MAGI2: variants seen among roughly 807,000 people sequenced by gnomAD.
MAGI2 encodes membrane associated guanylate kinase, WW and PDZ domain containing 2, also known as membrane-associated guanylate kinase, WW and PDZ domain-containing protein 2.
A neutral mutation model predicts 133.3 loss-of-function variants in MAGI2; 35 were observed. The observed-to-expected ratio is 0.26, with a 90% confidence interval of 0.20 to 0.35. MAGI2 has a LOEUF of 0.35. Among genes scored for constraint, MAGI2 ranks in the 10% least tolerant of loss-of-function variants. MAGI2 has a pLI of 1.00. For missense variants in MAGI2, 1,636 were observed against 1,863.4 expected (o/e 0.88, Z 2.25); for synonymous variants, 729 against 710.6 (o/e 1.03, Z -0.41).
intron 1 of MAGI2, among the ~76,000 whole-genome samples, chr7:79,316,654 A>T (rs554520826): frequency 6.6e-6 from 1 of 152,274 alleles, no homozygotes; most frequent in East Asian, 1.9e-4. Context: ...CTGTCCCTCC[A>T]TCCTCTTCTA....
Position 79,424,005 on chromosome 7 carries a change from G to C in MAGI2, c.301+29015C>G, listed in dbSNP as rs550876476. ...ATATTCCTATAAACCATTGTTCCAG[G>C]CATTGGGAATGCCAATATGAAACAC... On this transcript the variant is annotated intron_variant, in intron 1 of 21. Coordinates refer to ENST00000354212, the MANE Select transcript of MAGI2 (RefSeq NM_012301.4). 5.3e-4 allele frequency among the ~76,000 whole-genome samples: 80 copies of C among 152,110 alleles called. No individual in the cohort carries two copies. In the South Asian group the frequency reaches 0.016, roughly 31 times the overall value.
intron 2 of MAGI2, among the ~76,000 whole-genome samples, chr7:78,667,525 T>C (rs1813755018): frequency 6.6e-6 from 1 of 151,496 alleles, no homozygotes; most frequent in South Asian, 2.1e-4. Flanking sequence ...TATCTCCTAA[T>C]GCTATCCCTC....
intron 3 of MAGI2, among the ~76,000 whole-genome samples, chr7:78,526,136 C>G: frequency 6.6e-6 from 1 of 152,254 alleles, no homozygotes; most frequent in South Asian, 2.1e-4. Context: ...GACTTAAGAA[C>G]CTCATCTCTT....
At chr7:78,244,273 TC>T (rs68162295) in intron 10 of MAGI2, among the ~76,000 whole-genome samples, 23,494 of 151,346 alleles carry the variant, frequency 0.16, 2,340 homozygotes, top group Middle Eastern at 0.26. Flanking sequence ...TGATTTTAAT[TC>T]TATTTAAATA....
chr7:78,594,630 G>T (rs1394950189), intron 3 of MAGI2, among the ~76,000 whole-genome samples: 17 of 152,022 alleles, frequency 1.1e-4, no homozygotes, highest in Admixed American at 1.1e-3. Context: ...GCTAATTTTT[G>T]TATTTTTAGT....
intron 2 of MAGI2, among the ~76,000 whole-genome samples, chr7:78,720,289 C>T (rs1820136692): frequency 6.6e-6 from 1 of 152,060 alleles, no homozygotes; most frequent in Non-Finnish European, 1.5e-5. Context: ...TGAATGCTTC[C>T]TATGTGCCAG....
intron 1 of MAGI2, among the ~76,000 whole-genome samples, chr7:79,188,457 C>G (rs1408929241): frequency 1.3e-5 from 2 of 151,860 alleles, no homozygotes; most frequent in Non-Finnish European, 2.9e-5. Context: ...GATATGATCT[C>G]ATTCCTTTTT....
At position 78,501,590 on chromosome 7, in the gene MAGI2, C is replaced by T; in HGVS notation, c.952G>A (p.Val318Ile). 6.2e-7 allele frequency: 1 copy of T among 1,613,080 alleles called. No homozygotes were observed. The highest frequency in any genetic ancestry group is 1.1e-5 in the South Asian group (1 of 91,050). Reference protein sequence around the residue: ...WEMAYTEKGEVYFIDHNTKTT... With the variant: ...WEMAYTEKGEIYFIDHNTKTT... ...TGTGAAACTCACTCAATGAAGTAGA[C>T]TTCGCCCTTCTCTGTATAGGCCATT... The change falls in exon 5 of 22, where the codon GTC (valine) becomes ATC (isoleucine). Residue 318 changes from valine to isoleucine, a missense_variant. Around this residue, in one of 5 missense-constraint regions of MAGI2, gnomAD observed 920 missense variants for 1,093.5 expected, o/e 0.84. Coordinates refer to ENST00000354212, the MANE Select transcript of MAGI2 (RefSeq NM_012301.4).
intron 2 of MAGI2, among the ~76,000 whole-genome samples, chr7:78,664,875 G>A (rs893516519): frequency 1.3e-5 from 2 of 151,820 alleles, no homozygotes; most frequent in Non-Finnish European, 2.9e-5. Flanking sequence ...AATTCTCATA[G>A]TAAAAAATAC....
At chr7:79,163,098 A>G (rs899951603) in intron 1 of MAGI2, among the ~76,000 whole-genome samples, 2 of 152,110 alleles carry the variant, frequency 1.3e-5, no homozygotes, top group Non-Finnish European at 2.9e-5. Flanking sequence ...TCTCTCCCCA[A>G]AACATCAGTA....
chr7:78,634,991 C>T (rs552947121), intron 2 of MAGI2, among the ~76,000 whole-genome samples: 1 of 152,130 alleles, frequency 6.6e-6, no homozygotes, highest in Non-Finnish European at 1.5e-5. Context: ...AGCAAAAATG[C>T]TAAGTTGAGG....
At chr7:78,861,130 G>C (rs1044736610) in intron 2 of MAGI2, among the ~76,000 whole-genome samples, 2 of 152,112 alleles carry the variant, frequency 1.3e-5, no homozygotes, top group African/African-American at 2.4e-5. Flanking sequence ...CGATTTTCCA[G>C]GTACCATCTG....
At chr7:78,592,512 G>C (rs930316461) in intron 3 of MAGI2, among the ~76,000 whole-genome samples, 2 of 151,998 alleles carry the variant, frequency 1.3e-5, no homozygotes, top group African/African-American at 4.8e-5. Flanking sequence ...AAAAAATAAG[G>C]AATTTTATTG....
chr7:78,996,473 C>T (rs1478796219), intron 2 of MAGI2, among the ~76,000 whole-genome samples: 3 of 151,982 alleles, frequency 2.0e-5, no homozygotes, highest in Non-Finnish European at 4.4e-5. Context: ...CTTAGGGACA[C>T]ATAGAAGAGA....
chr7:79,102,322 G>A (rs1056311721), intron 1 of MAGI2, among the ~76,000 whole-genome samples: 2 of 151,902 alleles, frequency 1.3e-5, no homozygotes, highest in African/African-American at 2.4e-5. Context: ...CTAAATCTCC[G>A]CATATATATT....
intron 2 of MAGI2, among the ~76,000 whole-genome samples, chr7:78,996,727 T>C (rs954927519): frequency 2.0e-5 from 3 of 152,182 alleles, no homozygotes; most frequent in African/African-American, 7.2e-5. Context: ...TAGGATCGAC[T>C]TTAAAAACTT....
chr7:78,266,495 A>G (rs1248092920), intron 9 of MAGI2, among the ~76,000 whole-genome samples: 1 of 151,738 alleles, frequency 6.6e-6, no homozygotes, highest in Non-Finnish European at 1.5e-5. Flanking sequence ...GAGCCAACAC[A>G]CTCAGCCAGA....
intron 16 of MAGI2, among the ~76,000 whole-genome samples, chr7:78,154,668 CCTGACAA>C (rs1305624428): frequency 6.6e-6 from 1 of 152,068 alleles, no homozygotes; most frequent in East Asian, 1.9e-4. Context: ...GGCATAACCT[CCTGACAA>C]GTGACAGAAA....
rs1013622514 is a variant in MAGI2 at position 78,622,117 on chromosome 7, C to A, written c.538+5003G>T. Reference sequence around the variant, plus strand: ...ACAATAAATGCACCAATTTTGGAAGCATTTCAGATGAGCAAGAAGAAACAG... The same window carrying A: ...ACAATAAATGCACCAATTTTGGAAGAATTTCAGATGAGCAAGAAGAAACAG... On this transcript the variant is annotated intron_variant, in intron 3 of 21. Coordinates refer to ENST00000354212, the MANE Select transcript of MAGI2 (RefSeq NM_012301.4). Among the ~76,000 whole-genome samples the A allele has an allele frequency of 2.0e-5, 3 of 151,994 alleles. No individual in the cohort carries two copies. In the East Asian group the frequency reaches 5.8e-4, roughly 29 times the overall value.
Sources: gnomAD v4.1 joint callset for allele counts (sites outside exome capture counted in the v4.1 genomes callset) on GRCh38, gnomAD v4.1.1 for gene constraint, gnomAD v4.1.1 regional missense constraint, MANE v1.5 for transcripts, NCBI Gene and HGNC (gene_info 2026-07-23, HGNC 2026-07-21) for gene names.